HDAC9: variants seen among roughly 807,000 people sequenced by gnomAD.
The protein encoded by HDAC9 is histone deacetylase 9.
HDAC9 carries 41 observed loss-of-function variants against 139.4 expected under a neutral mutation model. That is an observed-to-expected ratio of 0.29 (90% CI 0.23 to 0.38). The LOEUF is 0.38. Among genes scored for constraint, HDAC9 ranks in the 10% least tolerant of loss-of-function variants. The probability of loss-of-function intolerance (pLI) is 1.00; values close to 1 mark genes in which losing one functional copy is unlikely to be tolerated. For missense variants in HDAC9, 1,147 were observed against 1,297.0 expected (o/e 0.88, Z 1.78); for synonymous variants, 517 against 476.2 (o/e 1.09, Z -1.12).
At chr7:18,879,569 C>T (rs1488848447) in intron 22 of HDAC9, among the ~76,000 whole-genome samples, 1 of 152,068 alleles carries the variant, frequency 6.6e-6, no homozygotes, top group African/African-American at 2.4e-5. Flanking sequence ...GGAGAAGACT[C>T]CCTATTCAAT....
intron 1 of HDAC9, among the ~76,000 whole-genome samples, chr7:18,422,597 G>T (rs1004083181): frequency 6.6e-6 from 1 of 152,088 alleles, no homozygotes; most frequent in African/African-American, 2.4e-5. Flanking sequence ...TCAAAGGAGG[G>T]GGAAGCCAGG....
At chr7:18,307,243 A>G (rs606064) in intron 1 of HDAC9, among the ~76,000 whole-genome samples, 25,730 of 151,668 alleles carry the variant, frequency 0.17, 2,311 homozygotes, top group East Asian at 0.26. Context: ...TGGGCAAGTA[A>G]TTGACACCTC....
At chr7:18,538,472 C>A (rs541751122) in intron 2 of HDAC9, among the ~76,000 whole-genome samples, 1 of 152,154 alleles carries the variant, frequency 6.6e-6, no homozygotes, top group African/African-American at 2.4e-5. Context: ...GAAGAGAGCA[C>A]GTGTTTGGGA....
intron 19 of HDAC9, among the ~76,000 whole-genome samples, chr7:18,833,779 A>T (rs7795433): frequency 6.6e-6 from 1 of 151,944 alleles, no homozygotes; most frequent in Admixed American, 6.6e-5. Flanking sequence ...TCAAAAAGGG[A>T]AAAGGATTAT....
At chr7:18,827,728 T>A (rs182544173) in intron 17 of HDAC9, among the ~76,000 whole-genome samples, 6 of 152,334 alleles carry the variant, frequency 3.9e-5, no homozygotes, top group Admixed American at 2.0e-4. Context: ...ATAAAAGTTC[T>A]TTACATGCTA....
At chr7:18,921,884 A>G (rs1229811432) in intron 22 of HDAC9, among the ~76,000 whole-genome samples, 1 of 152,142 alleles carries the variant, frequency 6.6e-6, no homozygotes, top group East Asian at 1.9e-4. Context: ...TGCACTATGG[A>G]ATACTATGCA....
At chr7:18,465,171 T>A (rs569810459) in intron 1 of HDAC9, among the ~76,000 whole-genome samples, 1 of 152,038 alleles carries the variant, frequency 6.6e-6, no homozygotes, top group African/African-American at 2.4e-5. Context: ...AACTCTAAAA[T>A]TTTTTTTAGT....
At chr7:18,204,138 A>G (rs566934734) in intron 2 of HDAC9, among the ~76,000 whole-genome samples, 1 of 152,294 alleles carries the variant, frequency 6.6e-6, no homozygotes, top group South Asian at 2.1e-4. Context: ...ATTTAGTGAC[A>G]GTGAAAGTTT....
At chr7:18,377,134 G>T (rs1367423042) in intron 1 of HDAC9, among the ~76,000 whole-genome samples, 1 of 152,114 alleles carries the variant, frequency 6.6e-6, no homozygotes, top group Non-Finnish European at 1.5e-5. Context: ...CAGAGTGCCA[G>T]CATGGTTGAG....
At chr7:18,292,808 G>C (rs1222115987) in intron 1 of HDAC9, among the ~76,000 whole-genome samples, 2 of 152,088 alleles carry the variant, frequency 1.3e-5, no homozygotes, top group African/African-American at 4.8e-5. Context: ...TCTTCTGGGA[G>C]GTGCTGAAGA....
chr7:18,906,606 G>A (rs1308091365), intron 22 of HDAC9, among the ~76,000 whole-genome samples: 1 of 152,174 alleles, frequency 6.6e-6, no homozygotes, highest in Non-Finnish European at 1.5e-5. Context: ...ATGGTAAAGA[G>A]ATTACAGGAT....
chr7:18,473,962 A>G (rs1794920965), intron 1 of HDAC9, among the ~76,000 whole-genome samples: 1 of 152,218 alleles, frequency 6.6e-6, no homozygotes, highest in Non-Finnish European at 1.5e-5. Flanking sequence ...GGGTGCAGGA[A>G]TGAAACAACT....
chr7:18,735,695 T>C (rs1289568377), intron 13 of HDAC9, among the ~76,000 whole-genome samples: 1 of 152,222 alleles, frequency 6.6e-6, no homozygotes, highest in Non-Finnish European at 1.5e-5. Flanking sequence ...TTCTTTTTGC[T>C]TAGGATTGTC....
intron 25 of HDAC9, among the ~76,000 whole-genome samples, chr7:18,990,139 A>T (rs914052288): frequency 1.3e-5 from 2 of 152,068 alleles, no homozygotes; most frequent in African/African-American, 4.8e-5. Context: ...TCTGCGTTTT[A>T]GAGTTTCCAG....
At chr7:18,587,102 T>C (rs901182830) in intron 3 of HDAC9, among the ~76,000 whole-genome samples, 4 of 152,198 alleles carry the variant, frequency 2.6e-5, no homozygotes, top group Non-Finnish European at 5.9e-5. Context: ...ACTGATAAGT[T>C]ACTGCTTTAG....
At chr7:18,949,294 C>CT in intron 23 of HDAC9, 3 of 210,514 alleles carry the variant, frequency 1.4e-5, no homozygotes, top group Admixed American at 5.7e-5. Flanking sequence ...CAAGTTTTTA[C>CT]TTTTTTTCTG....
At chr7:18,951,742 AAATG>A (rs776077352) in intron 23 of HDAC9, among the ~76,000 whole-genome samples, 2 of 151,720 alleles carry the variant, frequency 1.3e-5, no homozygotes, top group African/African-American at 4.8e-5. Context: ...AATTTATAAA[AAATG>A]AATATTTAAT....
intron 12 of HDAC9, among the ~76,000 whole-genome samples, chr7:18,717,801 A>G (rs1784819699): frequency 6.6e-6 from 1 of 152,162 alleles, no homozygotes; most frequent in Non-Finnish European, 1.5e-5. Context: ...TATACAAACT[A>G]TATAATGTAT....
chr7:18,466,006 A>G (rs1328261456), intron 1 of HDAC9, among the ~76,000 whole-genome samples: 1 of 152,200 alleles, frequency 6.6e-6, no homozygotes, highest in Non-Finnish European at 1.5e-5. Context: ...GACTAAAATC[A>G]AAGTATTAGT....
Sources: gnomAD v4.1 joint callset for allele counts (sites outside exome capture counted in the v4.1 genomes callset) on GRCh38, gnomAD v4.1.1 for gene constraint, MANE v1.5 for transcripts, NCBI Gene and HGNC (gene_info 2026-07-23, HGNC 2026-07-21) for gene names.